The following BBS5 variants were observed in gnomAD, a reference collection of about 807,000 sequenced individuals.
The protein encoded by BBS5 is Bardet-Biedl syndrome 5, also known as BBSome complex member BBS5.
In BBS5, 39 loss-of-function variants were observed where a neutral mutation model predicts 50.2. The observed-to-expected ratio is 0.78, with a 90% CI of 0.60 to 1.01. BBS5 has a LOEUF of 1.01. BBS5 is among the 50% of genes least tolerant of loss of function. The pLI is 0.00. For synonymous variants in BBS5, 134 were observed against 133.1 expected (o/e 1.01, Z -0.05); for missense variants, 356 against 401.5 (o/e 0.89, Z 0.97).
At chr2:169,497,449 C>T (rs1683712201) in intron 7 of BBS5, among the ~76,000 whole-genome samples, 178 bp from the exon 8 acceptor site, 1 of 152,054 alleles carries the variant, frequency 6.6e-6, no homozygotes, top group Non-Finnish European at 1.5e-5. Flanking sequence ...CACCTATTTT[C>T]AGTATGAGTC....
At chr2:169,502,455 AT>A (rs1478436871) in intron 9 of BBS5, among the ~76,000 whole-genome samples, 3 of 152,310 alleles carry the variant, frequency 2.0e-5, no homozygotes, top group Admixed American at 1.3e-4. Flanking sequence ...ATATTTTATC[AT>A]TTTGACTGAT....
chr2:169,489,361 G>A (rs903268536), intron 5 of BBS5, among the ~76,000 whole-genome samples: 3 of 151,900 alleles, frequency 2.0e-5, no homozygotes, highest in Non-Finnish European at 4.4e-5. Context: ...TACTCTGGAG[G>A]CTGAGGCAGG....
intron 9 of BBS5, among the ~76,000 whole-genome samples, chr2:169,502,659 A>G (rs1423563302): frequency 6.6e-6 from 1 of 152,266 alleles, no homozygotes; most frequent in Non-Finnish European, 1.5e-5. Flanking sequence ...CAAATAAATA[A>G]GTGTTAGTTC....
chr2:169,489,851 CTTTTTTTTTT>C (rs71003093), intron 5 of BBS5, among the ~76,000 whole-genome samples: 1 of 65,896 alleles, frequency 1.5e-5, no homozygotes, highest in African/African-American at 8.3e-5. Context: ...CATAAATTTC[CTTTTTTTTTT>C]TTTTTTTTTT....
chr2:169,488,373 C>T (rs1281681238), intron 5 of BBS5, among the ~76,000 whole-genome samples: 4 of 152,190 alleles, frequency 2.6e-5, no homozygotes, highest in African/African-American at 7.2e-5. Flanking sequence ...TATATGGTCC[C>T]ATCTGGGGTG....
intron 7 of BBS5, among the ~76,000 whole-genome samples, chr2:169,496,550 A>C (rs1683695604): frequency 6.6e-6 from 1 of 152,044 alleles, no homozygotes; most frequent in Non-Finnish European, 1.5e-5. Context: ...CCTGACTAAC[A>C]CAGTGAAACC....
At chr2:169,486,607 G>A (rs929338607) in intron 2 of BBS5, among the ~76,000 whole-genome samples, 1 of 152,098 alleles carries the variant, frequency 6.6e-6, no homozygotes, top group African/African-American at 2.4e-5. Flanking sequence ...ATAAATATAT[G>A]GTTCATTTAA....
chr2:169,499,981 A>C (rs1205527269), intron 9 of BBS5, among the ~76,000 whole-genome samples: 1 of 152,192 alleles, frequency 6.6e-6, no homozygotes, highest in Non-Finnish European at 1.5e-5. Flanking sequence ...GTCCTCATGA[A>C]TACCGTCTTC....
chr2:169,496,151 C>T (rs1683688608), intron 7 of BBS5, among the ~76,000 whole-genome samples: 1 of 152,158 alleles, frequency 6.6e-6, no homozygotes, highest in African/African-American at 2.4e-5. Flanking sequence ...GTCTGCTGGT[C>T]ATAGTGTTAG....
In BBS5 at chr2:169,504,760, C is replaced by T. The variant is rs538662682; in HGVS notation, c.*178C>T. ...AGAAAACTTCAGTTTTCGGCCAGCG[C>T]GTCGAGGGAGGGGCCAGCGACACAT... is the stretch of plus-strand genomic sequence containing the variant. On this transcript the variant is annotated 3_prime_UTR_variant, in exon 12 of 12. Transcript: ENST00000295240. The T allele has an allele frequency of 6.7e-5, 91 of 1,353,458 alleles. No homozygotes were observed. Among genetic ancestry groups the T allele is most frequent in the Non-Finnish European group, 8.8e-5 (86 of 981,226 alleles). 83.8% of individuals were successfully genotyped at this position (1,353,458 alleles called of 1,614,324 possible). A position where few individuals can be genotyped will look rare whatever the true frequency, so the allele number is the denominator to read the frequency against.
At position 169,505,177 on chromosome 2, in the gene BBS5, C is replaced by T. The variant is rs1683884657; in HGVS notation, c.*595C>T. The T allele has an allele frequency of 1.7e-6, 1 of 582,010 alleles. No homozygotes were observed. The highest frequency in any genetic ancestry group is 1.8e-5 in the South Asian group (1 of 54,682). 36.1% of individuals were successfully genotyped at this position (582,010 alleles called of 1,614,324 possible). A position where few individuals can be genotyped will look rare whatever the true frequency, so the allele number is the denominator to read the frequency against. ...TCGCTGTGTTGGCCGGGCTGGTCTC[C>T]AGCTCCTAACCGCGAGTGATCCGCC... On this transcript the variant is annotated 3_prime_UTR_variant, in exon 12 of 12. Transcript: ENST00000295240.
In BBS5 at chr2:169,504,616, A is replaced by G. The variant is rs1184062764; in HGVS notation, c.*34A>G. 2 of 1,467,928 alleles carry G rather than the reference A, an allele frequency of 1.4e-6. No individual in the cohort carries two copies. The highest frequency in any genetic ancestry group is 1.4e-5 in the African/African-American group (1 of 72,016). The allele number at this position is 1,467,928 out of a possible 1,614,324, so 90.9% of individuals were successfully genotyped here. Reference sequence around the variant, plus strand: ...GAGTTGAGATGGATTTCTATTAAAGATATCTCTAGTTTAAAGATACTAGTC... The same window carrying G: ...GAGTTGAGATGGATTTCTATTAAAGGTATCTCTAGTTTAAAGATACTAGTC... On this transcript the variant is annotated 3_prime_UTR_variant, in exon 12 of 12. Transcript: ENST00000295240.
intron 1 of BBS5, among the ~76,000 whole-genome samples, chr2:169,480,862 G>T (rs1308560625): frequency 6.6e-6 from 1 of 151,816 alleles, no homozygotes; most frequent in Non-Finnish European, 1.5e-5. Context: ...TGTATTTTTA[G>T]TAGAGACGGG....
Position 169,481,760 on chromosome 2 carries a change from T to C in BBS5, c.60-491T>C, listed in dbSNP as rs1423286067. On this transcript the variant is annotated intron_variant, in intron 1 of 11. Transcript: ENST00000295240. ...CTTCTTTAACCATTCCTTCTATAAT[T>C]TCCTGATGTCCTTTCCTCTACTCAG... Among the ~76,000 whole-genome samples the C allele has an allele frequency of 2.0e-5, 3 of 152,140 alleles. No individual in the cohort carries two copies. In the East Asian group the frequency reaches 5.8e-4, roughly 29 times the overall value.
chr2:169,480,149 T>C (rs11901329), intron 1 of BBS5, among the ~76,000 whole-genome samples: 12,698 of 152,258 alleles, frequency 0.083, 573 homozygotes, highest in Middle Eastern at 0.12. Flanking sequence ...GCGCAAACTT[T>C]ATGTCCTTGG....
intron 7 of BBS5, 110 bp downstream of exon 7, chr2:169,493,946 A>G: frequency 1.4e-6 from 1 of 701,106 alleles, no homozygotes; most frequent in African/African-American, 1.8e-5. Context: ...AAGTGGTAGC[A>G]GTTATTAGCT....
chr2:169,496,857 A>C (rs1683703621), intron 7 of BBS5, among the ~76,000 whole-genome samples: 1 of 151,972 alleles, frequency 6.6e-6, no homozygotes, highest in Non-Finnish European at 1.5e-5. Flanking sequence ...CAACAGAGCG[A>C]GACTCCGTCT....
Position 169,497,608 on chromosome 2 carries a change from T to C in BBS5, c.619-19T>C, listed in dbSNP as rs1559124733. 2.0e-6 allele frequency: 3 copies of C among 1,490,226 alleles called. No individual in the cohort carries two copies. Among genetic ancestry groups the C allele is most frequent in the Non-Finnish European group, 2.8e-6 (3 of 1,070,178 alleles). The allele number at this position is 1,490,226 out of a possible 1,614,324, so 92.3% of individuals were successfully genotyped here. On this transcript the variant is annotated intron_variant, in intron 7 of 11. Transcript: ENST00000295240. The stretch of plus-strand genomic sequence containing the variant: ...GTTAATAAAAACTTGCATGTTTTTC[T>C]TTTTCATTTTGTATCTAGCGTTCAA...
At chr2:169,491,800 A>T (rs1035101561) in intron 5 of BBS5, among the ~76,000 whole-genome samples, 14 of 152,114 alleles carry the variant, frequency 9.2e-5, no homozygotes, top group African/African-American at 3.4e-4. Context: ...GAGAAAAAGT[A>T]ATTGTTTTTG....
Sources: gnomAD v4.1 joint callset for allele counts (sites outside exome capture counted in the v4.1 genomes callset) on GRCh38, gnomAD v4.1.1 for gene constraint, MANE v1.5 for transcripts, NCBI Gene and HGNC (gene_info 2026-07-23, HGNC 2026-07-21) for gene names.